METTL21A: variants seen among roughly 807,000 people sequenced by gnomAD.
METTL21A encodes the protein protein N-lysine methyltransferase METTL21A.
Under a neutral mutation model 20.9 loss-of-function variants are expected in METTL21A, and 22 were observed. The ratio of observed to expected loss-of-function variants is 1.05; its 90% CI spans 0.75 to 1.50. METTL21A has a LOEUF of 1.50. Ranked by LOEUF, METTL21A falls within the 40% of genes most tolerant of loss-of-function variation. METTL21A has a pLI of 0.00. For missense variants in METTL21A, 271 were observed against 266.8 expected, an observed-to-expected ratio of 1.02 and a Z score of -0.11; for synonymous variants, 93 against 102.0, an observed-to-expected ratio of 0.91 and a Z score of 0.53.
chr2:207,614,557 C>T (rs1465221077), intron 3 of METTL21A, among the ~76,000 whole-genome samples: 1 of 152,216 alleles, frequency 6.6e-6, no homozygotes, highest in South Asian at 2.1e-4. Flanking sequence ...AGCCAACTTA[C>T]ATGTTTTACG....
chr2:207,605,964 G>C (rs2088023669), downstream of METTL21A, among the ~76,000 whole-genome samples: 1 of 152,006 alleles, frequency 6.6e-6, no homozygotes, highest in Non-Finnish European at 1.5e-5. Context: ...TTTTTTTCTG[G>C]AATTAAAATT....
chr2:207,583,396 A>C (rs2083284476), intron 3 of METTL21A, among the ~76,000 whole-genome samples: 1 of 152,182 alleles, frequency 6.6e-6, no homozygotes, highest in South Asian at 2.1e-4. Context: ...AACTTGGCTT[A>C]TATGTTTGTT....
downstream of METTL21A, among the ~76,000 whole-genome samples, chr2:207,605,796 G>A (rs1465863635): frequency 6.6e-6 from 1 of 152,198 alleles, no homozygotes; most frequent in African/African-American, 2.4e-5. Context: ...GTCTACACAA[G>A]TTGTATCTCC....
At chr2:207,621,723 C>G (rs2107290148) in intron 3 of METTL21A, 83 bp downstream of exon 3, 3 of 1,222,398 alleles carry the variant, frequency 2.5e-6, no homozygotes, top group Non-Finnish European at 3.6e-6. Context: ...GGGGAAAACC[C>G]ACGAAGGGTT....
downstream of METTL21A, among the ~76,000 whole-genome samples, chr2:207,604,168 A>G (rs187039760): frequency 4.7e-3 from 720 of 152,344 alleles, 4 homozygotes; most frequent in Non-Finnish European, 6.8e-3. Flanking sequence ...CCTTCAGGAA[A>G]AGATTGCCCA....
chr2:207,605,352 A>G (rs1010444948), downstream of METTL21A, among the ~76,000 whole-genome samples: 11 of 152,138 alleles, frequency 7.2e-5, no homozygotes, highest in African/African-American at 2.7e-4. Flanking sequence ...CCATCTGCGT[A>G]TCTTCTTTGA....
downstream of METTL21A, among the ~76,000 whole-genome samples, chr2:207,605,778 G>A (rs1295862430): frequency 6.6e-6 from 1 of 152,162 alleles, no homozygotes; most frequent in Non-Finnish European, 1.5e-5. Flanking sequence ...ACAGAGGTTG[G>A]TAACTAGGTC....
chr2:207,595,642 C>CA (rs1463311388), intron 3 of METTL21A, among the ~76,000 whole-genome samples: 1 of 152,072 alleles, frequency 6.6e-6, no homozygotes, highest in Non-Finnish European at 1.5e-5. Flanking sequence ...CGGCTCACTG[C>CA]AACCTAAGAC....
chr2:207,613,588 A>G (rs2089280200), intron 3 of METTL21A, 145 bp from the exon 4 acceptor site: 2 of 729,684 alleles, frequency 2.7e-6, no homozygotes, highest in Admixed American at 3.5e-5. Flanking sequence ...GACAGCTGCA[A>G]TAGAAAAATG....
At chr2:207,596,839 GAAAAA>G (rs72094349) in intron 3 of METTL21A, 9 of 1,363,620 alleles carry the variant, frequency 6.6e-6, no homozygotes, top group Admixed American at 2.5e-5. Flanking sequence ...CTTTAAAAAA[GAAAAA>G]AAAAAGGTAA....
intron 3 of METTL21A, among the ~76,000 whole-genome samples, chr2:207,587,047 T>C (rs1559066407): frequency 6.6e-6 from 1 of 152,130 alleles, no homozygotes; most frequent in Non-Finnish European, 1.5e-5. Context: ...TCAGTGTTGA[T>C]GAGAATGTAC....
At chr2:207,607,389 C>CA (rs911579268), downstream of METTL21A, among the ~76,000 whole-genome samples, 11 of 147,586 alleles carry the variant, frequency 7.5e-5, no homozygotes, top group Non-Finnish European at 1.6e-4. Context: ...AATTCCATCT[C>CA]AAAAAAAAGA....
chr2:207,624,427 G>C, intron 1 of METTL21A, 23 bp from the exon 2 acceptor site: 1 of 1,567,000 alleles, frequency 6.4e-7, no homozygotes, highest in East Asian at 2.3e-5. Context: ...AGAATCCTGG[G>C]TGACGCTCTG....
At chr2:207,601,244 TGGTG>T (rs1226250609) in intron 3 of METTL21A, 4 of 185,656 alleles carry the variant, frequency 2.2e-5, no homozygotes, top group Admixed American at 1.2e-4. Context: ...TGTAAATGTT[TGGTG>T]TAACTTGCAC....
exon 4 of METTL21A, chr2:207,612,986 T>G: frequency 6.9e-7 from 1 of 1,455,514 alleles, no homozygotes; most frequent in South Asian, 1.4e-5. Context: ...ATGGTTAGAT[T>G]TGCAGTCTAA....
At chr2:207,593,625 A>G (rs1183109805) in intron 3 of METTL21A, among the ~76,000 whole-genome samples, 1 of 152,142 alleles carries the variant, frequency 6.6e-6, no homozygotes, top group African/African-American at 2.4e-5. Context: ...TGCCATTTGG[A>G]GTTACCTAAA....
intron 3 of METTL21A, chr2:207,601,322 A>T (rs1218458735): frequency 5.4e-6 from 1 of 185,948 alleles, no homozygotes; most frequent in African/African-American, 2.3e-5. Context: ...GTAATTCTCA[A>T]CTTTTTAGTC....
chr2:207,612,877 A>T (rs2089154279), exon 4 of METTL21A: 1 of 600,446 alleles, frequency 1.7e-6, no homozygotes, highest in African/African-American at 1.9e-5. Context: ...AATCACAGCA[A>T]TGGGACAAAG....
downstream of METTL21A, among the ~76,000 whole-genome samples, chr2:207,605,000 C>T (rs2087849954): frequency 6.6e-6 from 1 of 152,154 alleles, no homozygotes; most frequent in African/African-American, 2.4e-5. Flanking sequence ...GTTGTTTCTA[C>T]TGTTTGGCTA....
Sources: allele counts gnomAD v4.1 joint callset (sites outside exome capture counted in the v4.1 genomes callset), GRCh38; gene constraint gnomAD v4.1.1; transcripts MANE v1.5; gene names NCBI Gene and HGNC (gene_info 2026-07-23, HGNC 2026-07-21).